Variants in CNIH4 observed in about 807,000 individuals in gnomAD.
CNIH4 encodes the protein cornichon family member 4, also known as protein cornichon homolog 4.
A neutral mutation model predicts 21.5 loss-of-function variants in CNIH4; 9 were observed. The ratio of observed to expected loss-of-function variants is 0.42; its 90% CI spans 0.25 to 0.73. The LOEUF (loss-of-function observed/expected upper bound fraction) is 0.73. CNIH4 is among the 30% of genes least tolerant of loss of function. The pLI is 0.27. For missense variants in CNIH4, 159 were observed against 170.0 expected (o/e 0.94, Z 0.36); for synonymous variants, 67 against 59.1 (o/e 1.13, Z -0.61).
chr1:224,363,821 T>C (rs1365145960), intron 2 of CNIH4, among the ~76,000 whole-genome samples: 1 of 152,180 alleles, frequency 6.6e-6, no homozygotes, highest in African/African-American at 2.4e-5. Flanking sequence ...TGGTCTAGAT[T>C]TGTTGACTGG....
At chr1:224,364,858 G>C (rs1260306485) in intron 2 of CNIH4, among the ~76,000 whole-genome samples, 1 of 151,928 alleles carries the variant, frequency 6.6e-6, no homozygotes, top group East Asian at 1.9e-4. Flanking sequence ...GGTTGAACCC[G>C]GGAGGCGGAG....
intron 4 of CNIH4, among the ~76,000 whole-genome samples, chr1:224,375,378 A>T (rs943374634): frequency 2.6e-5 from 4 of 152,180 alleles, no homozygotes. Flanking sequence ...GTAAGAAGTT[A>T]CTGCTTTGAT....
intron 1 of CNIH4, chr1:224,357,703 C>G (rs1672158097): frequency 6.6e-6 from 1 of 152,220 alleles, no homozygotes; most frequent in Non-Finnish European, 1.5e-5. Flanking sequence ...AATTCAATAA[C>G]TACATCTGCT....
At chr1:224,369,675 ATT>A (rs1193576882) in intron 3 of CNIH4, among the ~76,000 whole-genome samples, 67 of 127,602 alleles carry the variant, frequency 5.3e-4, no homozygotes, top group South Asian at 1.2e-3. Context: ...CCCTGATGTG[ATT>A]TTTTTTTTTT....
chr1:224,370,741 T>TA (rs1375585348), intron 3 of CNIH4, among the ~76,000 whole-genome samples: 1 of 152,206 alleles, frequency 6.6e-6, no homozygotes, highest in Non-Finnish European at 1.5e-5. Flanking sequence ...TCTGGAATGT[T>TA]ACTGTATTTA....
intron 1 of CNIH4, among the ~76,000 whole-genome samples, chr1:224,359,678 C>T (rs866601868): frequency 1.9e-4 from 29 of 152,102 alleles, no homozygotes; most frequent in South Asian, 4.1e-4. Flanking sequence ...TCAAGCGATT[C>T]TCCTGCCTCA....
rs150578258 is a variant in CNIH4, at chr1:224,375,187, A to G, written c.393-608A>G. Among the ~76,000 whole-genome samples the G allele has an allele frequency of 8.9e-4, 136 of 152,346 alleles. 3 individuals carry two copies. In the East Asian group the frequency reaches 0.023, roughly 25 times the overall value. ...TTGCAGGCCCGGTTGCTAGTAGAAC[A>G]TGAAAGTGGTAATGCTTGGGCCCTG... On this transcript the variant is annotated intron_variant, in intron 4 of 4. Transcript: ENST00000465271.
intron 2 of CNIH4, among the ~76,000 whole-genome samples, chr1:224,361,602 A>T (rs1366014613): frequency 6.6e-6 from 1 of 151,978 alleles, no homozygotes; most frequent in Non-Finnish European, 1.5e-5. Context: ...TGATTGTTTG[A>T]GGCAGAGTCT....
chr1:224,371,749 C>T (rs541563960), intron 4 of CNIH4, among the ~76,000 whole-genome samples: 42 of 152,246 alleles, frequency 2.8e-4, no homozygotes, highest in Middle Eastern at 3.4e-3. Context: ...TCGAGACCAG[C>T]CTGACCAACA....
upstream of CNIH4, chr1:224,356,850 G>T: frequency 7.7e-7 from 1 of 1,296,128 alleles, no homozygotes; most frequent in Non-Finnish European, 1.1e-6. Context: ...GCCAGCCCCG[G>T]CAAGGGCCTA....
In CNIH4 at chr1:224,360,463, G is replaced by T. The variant is rs770039493; in HGVS notation, c.70-32G>T. ...ACTTAAATACTTAGTTATTATAAAA[G>T]AAATATAATAATTCCTTATCTTGAT... On this transcript the variant is annotated intron_variant, in intron 1 of 4. Coordinates refer to ENST00000465271, the MANE Select transcript of CNIH4 (RefSeq NM_014184.4). 6.4e-6 allele frequency: 7 copies of T among 1,094,532 alleles called. No individual in the cohort carries two copies. The African/African-American group carries it at 6.7e-5, about 10-fold the overall frequency. The allele number at this position is 1,094,532 out of a possible 1,614,324, so 67.8% of individuals were successfully genotyped here.
intron 3 of CNIH4, 146 bp downstream of exon 3, chr1:224,366,137 G>A: frequency 1.6e-6 from 1 of 625,074 alleles, no homozygotes; most frequent in African/African-American, 1.8e-5. Flanking sequence ...TGCCTCCTCA[G>A]TTTAAGCGAT....
chr1:224,374,433 G>A (rs1333469414), intron 4 of CNIH4, among the ~76,000 whole-genome samples: 2 of 129,122 alleles, frequency 1.5e-5, no homozygotes, highest in Non-Finnish European at 3.2e-5. Context: ...TTTCTTTTGA[G>A]ATGGAGTCTC....
In CNIH4 at chr1:224,371,233, T is replaced by G. The variant is rs755178837; in HGVS notation, c.252-50T>G. 5 of 1,560,332 alleles carry G rather than the reference T, an allele frequency of 3.2e-6. No homozygotes were observed. In the South Asian group the frequency reaches 4.6e-5, roughly 14 times the overall value. The stretch of plus-strand genomic sequence containing the variant: ...TTGGCTACTTATATTTGAATACTTA[T>G]GCCTATGATTTGATTATCCTTCTAA... On this transcript the variant is annotated intron_variant, in intron 3 of 4. Transcript: ENST00000465271.
At chr1:224,367,481 TG>T (rs779688171) in intron 3 of CNIH4, among the ~76,000 whole-genome samples, 2 of 152,148 alleles carry the variant, frequency 1.3e-5, no homozygotes, top group Non-Finnish European at 2.9e-5. Context: ...TCGAATTTTT[TG>T]TTTTCTTTTT....
intron 2 of CNIH4, among the ~76,000 whole-genome samples, chr1:224,363,503 A>G (rs1287333638): frequency 6.6e-6 from 1 of 152,148 alleles, no homozygotes; most frequent in Non-Finnish European, 1.5e-5. Flanking sequence ...TCTCTCATCC[A>G]GGCTGAAGTA....
At position 224,363,695 on chromosome 1, in the gene CNIH4, CT is replaced by C. The variant is rs368549582; in HGVS notation, c.139-2177del. ...TGTTTCCATCCAGTTCTTTTCCTTTCTTTTTTTCCCCCCATCTGTCTTTGAT... is the reference window on the plus strand; with the variant it reads ...TGTTTCCATCCAGTTCTTTTCCTTTCTTTTTTCCCCCCATCTGTCTTTGAT... On this transcript the variant is annotated intron_variant, in intron 2 of 4. Transcript: ENST00000465271. Among the ~76,000 whole-genome samples the C allele has an allele frequency of 1.4e-4, 21 of 152,178 alleles. No homozygotes were observed. The East Asian group carries it at 2.3e-3, about 17-fold the overall frequency.
At chr1:224,371,818 T>C (rs1389966632) in intron 4 of CNIH4, among the ~76,000 whole-genome samples, 1 of 152,214 alleles carries the variant, frequency 6.6e-6, no homozygotes, top group African/African-American at 2.4e-5. Context: ...GGCACATGCC[T>C]GTAATCCCAG....
intron 2 of CNIH4, chr1:224,364,176 C>T (rs1572123324): frequency 1.0e-6 from 1 of 982,542 alleles, no homozygotes; most frequent in Non-Finnish European, 1.2e-6. Context: ...TCACTTGAGC[C>T]CAGCGGTTCG....
Sources: allele counts gnomAD v4.1 joint callset (sites outside exome capture counted in the v4.1 genomes callset), GRCh38; gene constraint gnomAD v4.1.1; transcripts MANE v1.5; gene names NCBI Gene and HGNC (gene_info 2026-07-23, HGNC 2026-07-21).